CDK6: variants seen among roughly 807,000 people sequenced by gnomAD.
The protein encoded by CDK6 is cyclin-dependent kinase 6.
In CDK6, 6 loss-of-function variants were observed where a neutral mutation model predicts 37.1. The observed-to-expected ratio is 0.16, with a 90% CI of 0.09 to 0.32. The LOEUF is 0.32. Among genes scored for constraint, CDK6 ranks in the 10% least tolerant of loss-of-function variants. The pLI, the probability that CDK6 is intolerant of heterozygous loss-of-function variation, is 1.00. For synonymous variants in CDK6, 160 were observed against 161.3 expected, an observed-to-expected ratio of 0.99 and a Z score of 0.06; for missense variants, 224 against 418.9, an observed-to-expected ratio of 0.53 and a Z score of 4.06.
Position 92,625,251 on chromosome 7 carries a change from C to T in CDK6, c.648-2165G>A, listed in dbSNP as rs1292336014. On this transcript the variant is annotated intron_variant, in intron 5 of 7. Transcript: ENST00000424848. ...ACACACACACACACACACACACACA[C>T]ACACACACCTCTCTTATTCCTGGCC... is the stretch of plus-strand genomic sequence containing the variant. Among the ~76,000 whole-genome samples the T allele has an allele frequency of 2.6e-5, 4 of 151,540 alleles. No homozygotes were observed. In the East Asian group the frequency reaches 7.8e-4, roughly 29 times the overall value.
chr7:92,630,680 C>G (rs961854129), intron 5 of CDK6, among the ~76,000 whole-genome samples: 2 of 152,156 alleles, frequency 1.3e-5, no homozygotes, highest in African/African-American at 4.8e-5. Flanking sequence ...GCAGGCTCAA[C>G]ACTCCGGGGA....
At chr7:92,690,746 G>A (rs1417547286) in intron 4 of CDK6, among the ~76,000 whole-genome samples, 1 of 152,122 alleles carries the variant, frequency 6.6e-6, no homozygotes, top group Non-Finnish European at 1.5e-5. Flanking sequence ...TGAAATATAT[G>A]TATGCATGTA....
At chr7:92,658,648 A>G (rs1315344658) in intron 5 of CDK6, among the ~76,000 whole-genome samples, 1 of 151,842 alleles carries the variant, frequency 6.6e-6, no homozygotes, top group Non-Finnish European at 1.5e-5. Flanking sequence ...CGAGGGGACT[A>G]TCTTTGGGAG....
intron 2 of CDK6, among the ~76,000 whole-genome samples, chr7:92,805,469 T>C (rs1027187785): frequency 1.3e-5 from 2 of 152,198 alleles, no homozygotes. Context: ...GAGCTCAAGA[T>C]GTCACTATGG....
chr7:92,772,431 G>T (rs1030640108), intron 3 of CDK6, among the ~76,000 whole-genome samples: 1 of 151,838 alleles, frequency 6.6e-6, no homozygotes, highest in East Asian at 1.9e-4. Context: ...GGATCAAGGG[G>T]TGCTGATCCT....
chr7:92,697,010 C>T (rs1201607224), intron 4 of CDK6, among the ~76,000 whole-genome samples: 1 of 152,164 alleles, frequency 6.6e-6, no homozygotes, highest in Non-Finnish European at 1.5e-5. Flanking sequence ...TCTACGTTAC[C>T]AGGCAGCCAT....
At chr7:92,796,611 T>C (rs1299897023) in intron 2 of CDK6, among the ~76,000 whole-genome samples, 1 of 152,118 alleles carries the variant, frequency 6.6e-6, no homozygotes, top group Non-Finnish European at 1.5e-5. Context: ...GAGTAGGATA[T>C]TTTCCCCTTA....
intron 4 of CDK6, among the ~76,000 whole-genome samples, chr7:92,680,347 G>A (rs1229633209): frequency 2.1e-5 from 3 of 145,950 alleles, no homozygotes; most frequent in African/African-American, 7.7e-5. Flanking sequence ...CAGGAGAATC[G>A]CTGGAACTCA....
Position 92,834,084 on chromosome 7 carries a change from TC to T in CDK6, c.-367-395del, listed in dbSNP as rs1332286577. Reference sequence around the variant, plus strand: ...ATATCATTGTGTTGCGCCGCTACCCTCCCCGCCTCCTGAGGCCCGGACGTGC... The same window carrying T: ...ATATCATTGTGTTGCGCCGCTACCCTCCCGCCTCCTGAGGCCCGGACGTGC... On this transcript the variant is annotated intron_variant, in intron 1 of 7. Coordinates refer to ENST00000424848, the MANE Select transcript of CDK6 (RefSeq NM_001145306.2). The surrounding 1 kb of genome is among the most constrained non-coding windows in gnomAD (Gnocchi z 4.6). 6.6e-6 allele frequency among the ~76,000 whole-genome samples: 1 copy of T among 151,840 alleles called. No individual in the cohort carries two copies. Among genetic ancestry groups the T allele is most frequent in the African/African-American group, 2.4e-5 (1 of 41,322 alleles).
intron 4 of CDK6, among the ~76,000 whole-genome samples, chr7:92,688,247 G>T (rs1315401636): frequency 2.0e-5 from 3 of 152,180 alleles, no homozygotes; most frequent in Non-Finnish European, 4.4e-5. Flanking sequence ...CCGCATCTTG[G>T]CCAACAGTTG....
chr7:92,645,624 G>A (rs1796429851), intron 5 of CDK6, among the ~76,000 whole-genome samples: 1 of 152,240 alleles, frequency 6.6e-6, no homozygotes, highest in African/African-American at 2.4e-5. Context: ...GGGTGAGGAA[G>A]AAGCTTCATT....
At chr7:92,758,402 T>C (rs1196454446) in intron 3 of CDK6, among the ~76,000 whole-genome samples, 1 of 152,186 alleles carries the variant, frequency 6.6e-6, no homozygotes, top group Non-Finnish European at 1.5e-5. Flanking sequence ...CTTTTCCCCA[T>C]TGCTTGTTTT....
intron 3 of CDK6, among the ~76,000 whole-genome samples, chr7:92,771,302 AT>A (rs919647111): frequency 6.7e-5 from 10 of 150,266 alleles, no homozygotes; most frequent in African/African-American, 2.4e-4. Context: ...AAAAAAAAAA[AT>A]AAATAAAAAT....
intron 6 of CDK6, among the ~76,000 whole-genome samples, chr7:92,620,203 C>T (rs1429189352): frequency 6.6e-6 from 1 of 152,128 alleles, no homozygotes; most frequent in Non-Finnish European, 1.5e-5. Context: ...TTCAGAGGAA[C>T]AGCACATCTC....
chr7:92,625,562 C>CA (rs143150566), intron 5 of CDK6, among the ~76,000 whole-genome samples: 10,561 of 147,822 alleles, frequency 0.071, 1,287 homozygotes, highest in African/African-American at 0.25. Flanking sequence ...CAAAACAAAA[C>CA]AAAAAAAACC....
chr7:92,689,148 C>T (rs980449649), intron 4 of CDK6, among the ~76,000 whole-genome samples: 12 of 152,104 alleles, frequency 7.9e-5, no homozygotes, highest in Admixed American at 3.3e-4. Flanking sequence ...ATAGGCTTTA[C>T]AGGTAAACGT....
chr7:92,675,294 T>C (rs1056818400), intron 4 of CDK6, among the ~76,000 whole-genome samples: 6 of 152,254 alleles, frequency 3.9e-5, no homozygotes, highest in Admixed American at 3.9e-4. Flanking sequence ...ATTCCCTCTA[T>C]TCCTTTTAAA....
At chr7:92,668,993 A>G (rs905740653) in intron 5 of CDK6, among the ~76,000 whole-genome samples, 2 of 152,208 alleles carry the variant, frequency 1.3e-5, no homozygotes, top group African/African-American at 4.8e-5. Flanking sequence ...TTATGTGCAC[A>G]TTTGAAGTGC....
At chr7:92,815,889 C>T (rs1160792724) in intron 2 of CDK6, among the ~76,000 whole-genome samples, 1 of 152,172 alleles carries the variant, frequency 6.6e-6, no homozygotes, top group Admixed American at 6.5e-5. Flanking sequence ...CCAGAGCTCA[C>T]AGAGGGCAGA....
Sources: allele counts gnomAD v4.1 joint callset (sites outside exome capture counted in the v4.1 genomes callset), GRCh38; gene constraint gnomAD v4.1.1; non-coding constraint Gnocchi (gnomAD v3.1); transcripts MANE v1.5; gene names NCBI Gene and HGNC (gene_info 2026-07-23, HGNC 2026-07-21).